The following SMCO2 variants were observed in gnomAD, a reference collection of about 807,000 sequenced individuals.
SMCO2 encodes single-pass membrane and coiled-coil domain-containing protein 2.
SMCO2 carries 25 observed loss-of-function variants against 29.5 expected under a neutral mutation model. That is an observed-to-expected ratio of 0.85 (90% CI 0.62 to 1.18). SMCO2 has a LOEUF of 1.18. Ranked by LOEUF, SMCO2 falls within the 50% of genes most tolerant of loss-of-function variation. SMCO2 has a pLI of 0.00. For missense variants in SMCO2, 348 were observed against 344.5 expected (o/e 1.01, Z -0.08); for synonymous variants, 117 against 123.3 (o/e 0.95, Z 0.34).
chr12:27,437,221 T>A, the SMCO2 span, among the ~76,000 whole-genome samples: 2 of 152,122 alleles, frequency 1.3e-5, no homozygotes, highest in Non-Finnish European at 2.9e-5. Context: ...CAGTGAGCTA[T>A]GATGGTGCTA....
intron 4 of SMCO2, 116 bp downstream of exon 4, chr12:27,475,029 C>A: frequency 7.7e-7 from 1 of 1,291,440 alleles, no homozygotes; most frequent in Non-Finnish European, 1.0e-6. Flanking sequence ...ATGTCTTGAA[C>A]CATAAAGCAG....
At chr12:27,423,490 C>T in the SMCO2 span, 1 of 152,060 alleles carries the variant, frequency 6.6e-6, no homozygotes, top group Admixed American at 6.6e-5. Context: ...CCACACCTGG[C>T]TAATTTTGCT....
intron 2 of SMCO2, among the ~76,000 whole-genome samples, chr12:27,472,534 T>C (rs1246114478): frequency 1.3e-5 from 2 of 152,200 alleles, no homozygotes; most frequent in African/African-American, 4.8e-5. Context: ...CTTTGGAATT[T>C]GGAATCTCAC....
the SMCO2 span, among the ~76,000 whole-genome samples, chr12:27,439,199 C>G: frequency 1.3e-5 from 2 of 152,098 alleles, no homozygotes; most frequent in African/African-American, 4.8e-5. Flanking sequence ...TGTAACTTGG[C>G]CAAAGGAGAC....
At chr12:27,444,988 C>G in the SMCO2 span, among the ~76,000 whole-genome samples, 1 of 152,154 alleles carries the variant, frequency 6.6e-6, no homozygotes, top group African/African-American at 2.4e-5. Flanking sequence ...TATATATACA[C>G]AGTGGAGTAT....
chr12:27,450,045 A>G, the SMCO2 span, among the ~76,000 whole-genome samples: 2 of 152,134 alleles, frequency 1.3e-5, no homozygotes, highest in South Asian at 2.1e-4. Flanking sequence ...CTCTTAAGTC[A>G]ATCTTATCAA....
intron 5 of SMCO2, among the ~76,000 whole-genome samples, chr12:27,490,149 C>G (rs446585): frequency 6.6e-6 from 1 of 152,074 alleles, no homozygotes; most frequent in East Asian, 1.9e-4. Flanking sequence ...CTGCAGTACA[C>G]GTACGTGATG....
rs181291948 is a variant in SMCO2, at chr12:27,478,615, C to T, written c.362+3702C>T. On this transcript the variant is annotated intron_variant, in intron 4 of 7. Coordinates refer to ENST00000298876, the Ensembl canonical transcript of SMCO2. ...ATGCATGGGTAGATACCAGTGATGG[C>T]GGCAGCTGTAGGCTGGGCAGGCTGG... Among the ~76,000 whole-genome samples the T allele has an allele frequency of 4.8e-3, 731 of 152,076 alleles. 5 individuals are homozygous for T. The highest frequency in any genetic ancestry group is 0.034 in the Middle Eastern group (10 of 294).
chr12:27,456,513 G>C, the SMCO2 span, among the ~76,000 whole-genome samples: 2 of 152,244 alleles, frequency 1.3e-5, no homozygotes, highest in East Asian at 3.9e-4. Flanking sequence ...CAAACTCCTG[G>C]GCTCAAGCGA....
the SMCO2 span, among the ~76,000 whole-genome samples, chr12:27,446,294 T>C: frequency 6.6e-6 from 1 of 151,830 alleles, no homozygotes; most frequent in East Asian, 1.9e-4. Flanking sequence ...GAGAGAGAGA[T>C]GGAGGAGGGA....
the SMCO2 span, chr12:27,423,364 C>G: frequency 8.4e-6 from 1 of 119,562 alleles, no homozygotes; most frequent in African/African-American, 3.2e-5. Context: ...GAGTCTCGCT[C>G]TATCGCCCAG....
chr12:27,433,506 T>TACAC, the SMCO2 span, among the ~76,000 whole-genome samples: 11,576 of 147,864 alleles, frequency 0.078, 540 homozygotes, highest in African/African-American at 0.13. Flanking sequence ...CAGATGTGTA[T>TACAC]ACACACACAC....
intron 4 of SMCO2, among the ~76,000 whole-genome samples, chr12:27,477,145 C>T (rs1445667862): frequency 6.8e-6 from 1 of 147,804 alleles, no homozygotes; most frequent in Admixed American, 6.7e-5. Flanking sequence ...GGTCTGGGAA[C>T]AACTTTATTT....
intron 2 of SMCO2, 95 bp from the exon 3 acceptor site, chr12:27,472,681 A>C: frequency 1.2e-6 from 1 of 838,342 alleles, no homozygotes; most frequent in Non-Finnish European, 1.8e-6. Flanking sequence ...ACTGGGGAAG[A>C]TCTCAGTGTT....
chr12:27,491,980 A>T (rs1164775774), intron 5 of SMCO2, among the ~76,000 whole-genome samples: 1 of 152,150 alleles, frequency 6.6e-6, no homozygotes, highest in Non-Finnish European at 1.5e-5. Flanking sequence ...AAGTGCTGGG[A>T]TGACAGGCAT....
intron 4 of SMCO2, among the ~76,000 whole-genome samples, chr12:27,479,542 C>T (rs1949622243): frequency 6.6e-6 from 1 of 152,120 alleles, no homozygotes; most frequent in African/African-American, 2.4e-5. Context: ...AGAACTGGCT[C>T]ATATGATGAC....
chr12:27,427,760 C>A, the SMCO2 span, among the ~76,000 whole-genome samples: 1 of 152,110 alleles, frequency 6.6e-6, no homozygotes, highest in African/African-American at 2.4e-5. Flanking sequence ...GCTCTTCTTG[C>A]CTGCTGTCCA....
intron 5 of SMCO2, among the ~76,000 whole-genome samples, chr12:27,490,082 G>A (rs1407798224): frequency 2.6e-5 from 4 of 152,250 alleles, no homozygotes; most frequent in African/African-American, 7.2e-5. Flanking sequence ...AAAAAACCAA[G>A]CACAAGCTTA....
chr12:27,455,599 G>A, the SMCO2 span, among the ~76,000 whole-genome samples: 4 of 152,196 alleles, frequency 2.6e-5, no homozygotes, highest in South Asian at 2.1e-4. Context: ...CCAAATCTAC[G>A]TATAGGTATC....
Sources: allele counts gnomAD v4.1 joint callset (sites outside exome capture counted in the v4.1 genomes callset), GRCh38; gene constraint gnomAD v4.1.1; transcripts MANE v1.5; gene names NCBI Gene and HGNC (gene_info 2026-07-23, HGNC 2026-07-21).